Variants in TMOD1 observed in about 807,000 individuals in gnomAD.
TMOD1 encodes tropomodulin 1, also known as tropomodulin-1.
A neutral mutation model predicts 40.6 loss-of-function variants in TMOD1; 17 were observed. That is an observed-to-expected ratio of 0.42 (90% CI 0.29 to 0.63). The LOEUF is 0.63. Ranked by LOEUF, TMOD1 falls within the 20% of genes least tolerant of loss-of-function variation. The pLI is 0.22. For missense variants in TMOD1, 391 were observed against 447.6 expected, an observed-to-expected ratio of 0.87 and a Z score of 1.14; for synonymous variants, 181 against 175.0, an observed-to-expected ratio of 1.03 and a Z score of -0.27.
At chr9:97,569,151 C>T (rs1256234320) in intron 8 of TMOD1, 114 bp downstream of exon 8, 1 of 1,387,256 alleles carries the variant, frequency 7.2e-7, no homozygotes, top group African/African-American at 1.4e-5. Flanking sequence ...GCTCAGAGCC[C>T]AGCTTTGAGG....
At chr9:97,524,497 G>GGT (rs71369515) in intron 2 of TMOD1, among the ~76,000 whole-genome samples, 189 bp downstream of exon 2, 1,486 of 142,912 alleles carry the variant, frequency 0.01, 14 homozygotes, top group East Asian at 0.019. Flanking sequence ...GAACCAATAG[G>GGT]GTGTGTGTGT....
chr9:97,514,636 C>A (rs919376169), intron 1 of TMOD1, among the ~76,000 whole-genome samples: 1 of 152,250 alleles, frequency 6.6e-6, no homozygotes, highest in Middle Eastern at 3.4e-3. Flanking sequence ...CCAGTGAGGC[C>A]GCCTGGTGTA....
In TMOD1 at chr9:97,546,339, G is replaced by A. The variant is rs745896229; in HGVS notation, c.275G>A (p.Arg92Gln). ...EDLVPYTGEK[R>Q]GKVWVPKQKP... ...CTGGTCCCCTACACAGGGGAAAAAC[G>A]AGGTACTGAACAATGTTACTGTTAT... is the stretch of plus-strand genomic sequence containing the variant. Residue 92 changes from arginine to glutamine, a missense_variant and splice_region_variant, in exon 3 of 10, where the codon CGA becomes CAA. Transcript: ENST00000259365. The A allele has an allele frequency of 8.1e-6, 13 of 1,613,062 alleles. No homozygotes were observed. Among genetic ancestry groups the A allele is most frequent in the East Asian group, 2.2e-5 (1 of 44,872 alleles).
At chr9:97,593,861 T>A (rs961197105) in intron 9 of TMOD1, among the ~76,000 whole-genome samples, 3 of 151,602 alleles carry the variant, frequency 2.0e-5, no homozygotes, top group Non-Finnish European at 4.4e-5. Flanking sequence ...GACAGAAGGA[T>A]CTAAAAGGAT....
intron 8 of TMOD1, among the ~76,000 whole-genome samples, chr9:97,583,443 G>A (rs1825800932): frequency 6.6e-6 from 1 of 151,670 alleles, no homozygotes; most frequent in Non-Finnish European, 1.5e-5. Flanking sequence ...GTTCATCAAG[G>A]ATATTGGTCG....
intron 1 of TMOD1, among the ~76,000 whole-genome samples, chr9:97,518,865 C>G (rs556046048): frequency 1.5e-4 from 23 of 152,298 alleles, no homozygotes; most frequent in Non-Finnish European, 8.8e-5. Context: ...CATAAAATCC[C>G]TTTGGCCAAA....
At chr9:97,517,915 C>T (rs1188380775) in intron 1 of TMOD1, 3 of 152,324 alleles carry the variant, frequency 2.0e-5, no homozygotes, top group Non-Finnish European at 4.4e-5. Flanking sequence ...ACCATCCAGG[C>T]TTGAGGGAGG....
At chr9:97,587,643 A>G (rs770801354) in intron 8 of TMOD1, among the ~76,000 whole-genome samples, 1 of 152,070 alleles carries the variant, frequency 6.6e-6, no homozygotes, top group Non-Finnish European at 1.5e-5. Context: ...TTTAAAATTC[A>G]GTGGGTTTTG....
At chr9:97,589,434 G>C (rs1378567291) in intron 8 of TMOD1, among the ~76,000 whole-genome samples, 1 of 150,500 alleles carries the variant, frequency 6.6e-6, no homozygotes. Context: ...ACCACGCCCA[G>C]CTACTTTTTG....
intron 9 of TMOD1, among the ~76,000 whole-genome samples, chr9:97,591,735 A>G (rs979310251): frequency 3.9e-5 from 6 of 152,186 alleles, no homozygotes; most frequent in Non-Finnish European, 1.5e-5. Context: ...GGAGGGCACA[A>G]GTCTCGCCGG....
rs1036760320 is a variant in TMOD1 at position 97,555,819 on chromosome 9, T to C, written c.397+2419T>C. On this transcript the variant is annotated intron_variant, in intron 4 of 9. Coordinates refer to ENST00000259365, the MANE Select transcript of TMOD1 (RefSeq NM_003275.4). ...GATGGAGAAAGTAGGCAAGGTGTGG[T>C]TAAATGCCTTGCCCAAAGGGTTTAA... is the stretch of plus-strand genomic sequence containing the variant. 31 of 912,234 alleles carry C rather than the reference T, an allele frequency of 3.4e-5. No individual in the cohort carries two copies. The Middle Eastern group carries it at 1.0e-3, about 31-fold the overall frequency. The allele number at this position is 912,234 out of a possible 1,614,324, so 56.5% of individuals were successfully genotyped here.
intron 8 of TMOD1, 146 bp from the exon 9 acceptor site, chr9:97,591,144 TA>T: frequency 1.2e-6 from 1 of 869,214 alleles, no homozygotes; most frequent in Non-Finnish European, 1.7e-6. Flanking sequence ...TCAACTTCTC[TA>T]AACTTCCATT....
chr9:97,566,361 T>C (rs1427552237), intron 7 of TMOD1, among the ~76,000 whole-genome samples: 1 of 152,174 alleles, frequency 6.6e-6, no homozygotes, highest in African/African-American at 2.4e-5. Flanking sequence ...TGTTCCTCAG[T>C]TTTTCCATCT....
intron 3 of TMOD1, among the ~76,000 whole-genome samples, chr9:97,552,289 G>T (rs1340482380): frequency 6.6e-6 from 1 of 151,624 alleles, no homozygotes; most frequent in African/African-American, 2.4e-5. Context: ...ACTTCTATCA[G>T]GTCCCAGGTC....
At position 97,601,277 on chromosome 9, in the gene TMOD1, A is replaced by G; in HGVS notation, c.*1579A>G. On this transcript the variant is annotated 3_prime_UTR_variant, in exon 10 of 10. Coordinates refer to ENST00000259365, the MANE Select transcript of TMOD1 (RefSeq NM_003275.4). The stretch of plus-strand genomic sequence containing the variant: ...GCATGGCTGCGTATGTGTTTCTTGG[A>G]ACCTGTGTGACAGGGACATGTGCCT... The G allele has an allele frequency of 8.4e-7, 1 of 1,197,052 alleles. No individual in the cohort carries two copies. The highest frequency in any genetic ancestry group is 1.1e-6 in the Non-Finnish European group (1 of 935,664). 74.2% of individuals were successfully genotyped at this position (1,197,052 alleles called of 1,614,324 possible).
rs140056908 is a variant in TMOD1, at chr9:97,591,168, G to C, written c.871-123G>C. 2.9e-3 allele frequency: 2,921 copies of C among 1,022,846 alleles called. 44 individuals carry two copies. In the African/African-American group the frequency reaches 0.041, roughly 14 times the overall value. 63.4% of individuals were successfully genotyped at this position (1,022,846 alleles called of 1,614,324 possible). On this transcript the variant is annotated intron_variant, in intron 8 of 9. Transcript: ENST00000259365. ...CTAAACTTCCATTTCCCTACTCTTG[G>C]AGAGGAGGCTAAAATCCCCTCCCAC...
chr9:97,542,316 T>C (rs1296468535), intron 2 of TMOD1, among the ~76,000 whole-genome samples: 3 of 152,254 alleles, frequency 2.0e-5, no homozygotes, highest in African/African-American at 7.2e-5. Context: ...ATGAGGCTGA[T>C]ATTCTCAATA....
At chr9:97,521,797 C>T (rs1324473465) in intron 1 of TMOD1, among the ~76,000 whole-genome samples, 1 of 152,184 alleles carries the variant, frequency 6.6e-6, no homozygotes, top group Non-Finnish European at 1.5e-5. Flanking sequence ...TTGGATTTCT[C>T]CTGCAAATAG....
At chr9:97,587,312 C>T (rs548498009) in intron 8 of TMOD1, among the ~76,000 whole-genome samples, 217 of 152,334 alleles carry the variant, frequency 1.4e-3, no homozygotes, top group Non-Finnish European at 2.5e-3. Flanking sequence ...CTCTTGTGCA[C>T]AGTGTGCCAT....
Sources: allele counts gnomAD v4.1 joint callset (sites outside exome capture counted in the v4.1 genomes callset), GRCh38; gene constraint gnomAD v4.1.1; transcripts MANE v1.5; gene names NCBI Gene and HGNC (gene_info 2026-07-23, HGNC 2026-07-21).